SPRY3: variants seen among roughly 807,000 people sequenced by gnomAD.
SPRY3 encodes the protein sprouty RTK signaling antagonist 3.
Under a neutral mutation model 20.2 loss-of-function variants are expected in SPRY3, and 15 were observed. That is an observed-to-expected ratio of 0.74 (90% CI 0.50 to 1.14). The LOEUF (loss-of-function observed/expected upper bound fraction) is 1.14. Among genes scored for constraint, SPRY3 ranks in the 50% most tolerant of loss-of-function variants. The probability of loss-of-function intolerance (pLI) is 0.00; values close to 1 mark genes in which losing one functional copy is unlikely to be tolerated. For missense variants in SPRY3, 364 were observed against 363.9 expected (o/e 1.00, Z 0.00); for synonymous variants, 143 against 136.5 (o/e 1.05, Z -0.33).
chrX:155,631,713 TTCTC>T (rs1208351593), intron 1 of SPRY3, among the ~76,000 whole-genome samples: 2 of 112,346 alleles, frequency 1.8e-5, no homozygotes, highest in Non-Finnish European at 3.8e-5. Flanking sequence ...CAGCTGTTGA[TTCTC>T]TCTATTGCAT....
At chrX:155,703,951 G>T (rs2553585) in intron 2 of SPRY3, among the ~76,000 whole-genome samples, 17 of 151,638 alleles carry the variant, frequency 1.1e-4, no homozygotes, top group Non-Finnish European at 2.4e-4. Context: ...AACCATAGCA[G>T]CAATATATCT....
At chrX:155,627,541 G>A (rs2067892256) in intron 1 of SPRY3, among the ~76,000 whole-genome samples, 1 of 112,002 alleles carries the variant, frequency 8.9e-6, no homozygotes, top group Admixed American at 9.5e-5. Flanking sequence ...ATTGTGAATA[G>A]TGCTGCGATA....
intron 2 of SPRY3, among the ~76,000 whole-genome samples, chrX:155,755,123 G>A (rs1401686816): frequency 1.4e-5 from 2 of 140,110 alleles, no homozygotes; most frequent in East Asian, 3.9e-4. Flanking sequence ...GAAAAAATAA[G>A]TAAAAAGTCT....
At chrX:155,729,779 A>G (rs2091121572) in intron 2 of SPRY3, among the ~76,000 whole-genome samples, 1 of 152,042 alleles carries the variant, frequency 6.6e-6, no homozygotes, top group South Asian at 2.1e-4. Flanking sequence ...TGGGTTTTTG[A>G]AAAGATAAAC....
At chrX:155,615,970 G>A (rs2067850099) in intron 1 of SPRY3, among the ~76,000 whole-genome samples, 1 of 110,847 alleles carries the variant, frequency 9.0e-6, no homozygotes, top group Non-Finnish European at 1.9e-5. Context: ...ACTCAAGAAG[G>A]ATTAGAACAA....
At chrX:155,627,081 C>T (rs1557350012) in intron 1 of SPRY3, among the ~76,000 whole-genome samples, 5 of 111,685 alleles carry the variant, frequency 4.5e-5, no homozygotes, top group Non-Finnish European at 9.4e-5. Flanking sequence ...TTATCATATT[C>T]GTAGTGAGAA....
At chrX:155,636,690 A>C (rs2067924759) in intron 1 of SPRY3, among the ~76,000 whole-genome samples, 1 of 109,120 alleles carries the variant, frequency 9.2e-6, no homozygotes, top group African/African-American at 3.4e-5. Flanking sequence ...TCATTTTTGG[A>C]AGTTAACTTT....
chrX:155,777,890 C>G (rs1462507242), downstream of SPRY3: 1 of 166,344 alleles, frequency 6.0e-6, no homozygotes, highest in Admixed American at 6.6e-5. Flanking sequence ...TGATATCAGC[C>G]AAGAGTTTTC....
chrX:155,729,808 G>T (rs1179039628), intron 2 of SPRY3, among the ~76,000 whole-genome samples: 2 of 151,742 alleles, frequency 1.3e-5, no homozygotes, highest in Non-Finnish European at 2.9e-5. Context: ...CAAAACTTTA[G>T]ACAGACTCAC....
intron 2 of SPRY3, among the ~76,000 whole-genome samples, chrX:155,680,315 A>T (rs1461688371): frequency 9.1e-6 from 1 of 109,425 alleles, no homozygotes; most frequent in Non-Finnish European, 1.9e-5. Flanking sequence ...AAGAAAGGTA[A>T]CAGGGGAACC....
intron 2 of SPRY3, among the ~76,000 whole-genome samples, chrX:155,746,235 T>C (rs891794621): frequency 6.6e-6 from 1 of 152,062 alleles, no homozygotes; most frequent in African/African-American, 2.4e-5. Context: ...ATTAATAATC[T>C]TTTACATTGA....
At chrX:155,662,093 G>A (rs1405788250) in intron 2 of SPRY3, among the ~76,000 whole-genome samples, 1 of 111,671 alleles carries the variant, frequency 9.0e-6, no homozygotes, top group Non-Finnish European at 1.9e-5. Context: ...GTGATTCTTT[G>A]GGGTTGTTGA....
intron 2 of SPRY3, among the ~76,000 whole-genome samples, chrX:155,727,458 G>A (rs1170633502): frequency 1.3e-5 from 2 of 151,980 alleles, no homozygotes; most frequent in African/African-American, 4.8e-5. Flanking sequence ...TGTAGATTTG[G>A]TCTTTTCACA....
intron 2 of SPRY3, among the ~76,000 whole-genome samples, chrX:155,731,147 A>C (rs1223585972): frequency 2.0e-5 from 3 of 152,104 alleles, no homozygotes; most frequent in Non-Finnish European, 4.4e-5. Flanking sequence ...CTTCACAGAA[A>C]CAGAAAAAAC....
intron 2 of SPRY3, among the ~76,000 whole-genome samples, chrX:155,697,512 C>CACACACACAT (rs2123999135): frequency 1.1e-5 from 1 of 90,857 alleles, no homozygotes; most frequent in Non-Finnish European, 2.1e-5. Flanking sequence ...CACACACACA[C>CACACACACAT]ACACACACAC....
At chrX:155,781,501 T>G (rs1017729898), downstream of SPRY3, 2 of 167,004 alleles carry the variant, frequency 1.2e-5, no homozygotes, top group Admixed American at 1.3e-4. Context: ...AGTGACTTAC[T>G]CATAACCACA....
chrX:155,643,705 T>TAAACAA (rs2067949253), intron 1 of SPRY3, among the ~76,000 whole-genome samples: 2 of 112,089 alleles, frequency 1.8e-5, no homozygotes, highest in African/African-American at 6.5e-5. Context: ...AATAACAACT[T>TAAACAA]AACATTGTTT....
intron 2 of SPRY3, among the ~76,000 whole-genome samples, chrX:155,720,567 C>T (rs1320937733): frequency 1.3e-5 from 2 of 152,176 alleles, no homozygotes; most frequent in Non-Finnish European, 2.9e-5. Context: ...GTGCTTGTGT[C>T]ATGCCACCCC....
intron 2 of SPRY3, among the ~76,000 whole-genome samples, chrX:155,750,044 T>A (rs1186236271): frequency 5.3e-5 from 8 of 151,734 alleles, no homozygotes; most frequent in Non-Finnish European, 1.0e-4. Flanking sequence ...TATTTTGCAG[T>A]TGGGAATTAA....
Sources: allele counts gnomAD v4.1 joint callset (sites outside exome capture counted in the v4.1 genomes callset), GRCh38; gene constraint gnomAD v4.1.1; transcripts MANE v1.5; gene names NCBI Gene and HGNC (gene_info 2026-07-23, HGNC 2026-07-21).